ADAM10: variants seen among roughly 807,000 people sequenced by gnomAD.
ADAM10 encodes ADAM metallopeptidase domain 10.
Under a neutral mutation model 90.1 loss-of-function variants are expected in ADAM10, and 17 were observed. The ratio of observed to expected loss-of-function variants is 0.19; its 90% CI spans 0.13 to 0.28. The LOEUF (loss-of-function observed/expected upper bound fraction) is 0.28. Ranked by LOEUF, ADAM10 falls within the 10% of genes least tolerant of loss-of-function variation. ADAM10 has a pLI of 1.00. For missense variants in ADAM10, 610 were observed against 914.3 expected, an observed-to-expected ratio of 0.67 and a Z score of 4.29; for synonymous variants, 310 against 298.6, an observed-to-expected ratio of 1.04 and a Z score of -0.40.
At chr15:58,685,796 A>G (rs1356626256) in intron 2 of ADAM10, among the ~76,000 whole-genome samples, 1 of 151,868 alleles carries the variant, frequency 6.6e-6, no homozygotes, top group African/African-American at 2.4e-5. Context: ...ATACGAGCAT[A>G]TTTCTTATTC....
chr15:58,605,667 G>A lies in ADAM10; in HGVS notation c.2025+4630C>T, dbSNP rs139807711. On this transcript the variant is annotated intron_variant, in intron 14 of 15. Coordinates refer to ENST00000260408, the MANE Select transcript of ADAM10 (RefSeq NM_001110.4). Reference sequence around the variant, plus strand: ...TACTGAGCGTAAACTGAGTGCCAGGGTCTTATATCCCAGAGACAAGGGTGT... The same window carrying A: ...TACTGAGCGTAAACTGAGTGCCAGGATCTTATATCCCAGAGACAAGGGTGT... Among the ~76,000 whole-genome samples the A allele has an allele frequency of 6.1e-3, 927 of 152,196 alleles. 8 individuals carry two copies. The highest frequency in any genetic ancestry group is 0.021 in the African/African-American group (859 of 41,510).
At chr15:58,693,195 C>T (rs546977223) in intron 2 of ADAM10, 7 of 694,696 alleles carry the variant, frequency 1.0e-5, no homozygotes, top group African/African-American at 1.8e-5. Context: ...CCTCTGCAGG[C>T]ATCTTGAAAG....
intron 2 of ADAM10, among the ~76,000 whole-genome samples, chr15:58,701,759 T>G (rs1256935258): frequency 6.6e-6 from 1 of 152,080 alleles, no homozygotes; most frequent in Non-Finnish European, 1.5e-5. Context: ...GGATAAATGT[T>G]TAAAGAAAAT....
intron 7 of ADAM10, among the ~76,000 whole-genome samples, chr15:58,641,384 A>G (rs1402054444): frequency 6.6e-6 from 1 of 152,242 alleles, no homozygotes; most frequent in East Asian, 1.9e-4. Flanking sequence ...CCTGTATTTT[A>G]ACTAATTACT....
At chr15:58,686,318 G>C in intron 2 of ADAM10, 2 of 605,612 alleles carry the variant, frequency 3.3e-6, no homozygotes, top group Non-Finnish European at 5.8e-6. Context: ...CTTGGAAATA[G>C]GAACAAACTA....
chr15:58,705,600 T>C (rs984624824), intron 2 of ADAM10, among the ~76,000 whole-genome samples: 1 of 152,288 alleles, frequency 6.6e-6, no homozygotes, highest in South Asian at 2.1e-4. Context: ...ACCAGACAAA[T>C]AATAGACATA....
chr15:58,693,218 A>G, intron 2 of ADAM10: 1 of 648,212 alleles, frequency 1.5e-6, no homozygotes, highest in Non-Finnish European at 2.9e-6. Flanking sequence ...AAAGGCTTAC[A>G]AGTACTAGAG....
At chr15:58,713,186 A>G (rs1407620740) in intron 2 of ADAM10, among the ~76,000 whole-genome samples, 1 of 152,046 alleles carries the variant, frequency 6.6e-6, no homozygotes, top group African/African-American at 2.4e-5. Context: ...CGGCAGCCTC[A>G]ACCTTCCTAG....
At chr15:58,673,852 AGCCTCTCG>A (rs1209575181) in intron 4 of ADAM10, among the ~76,000 whole-genome samples, 1 of 151,658 alleles carries the variant, frequency 6.6e-6, no homozygotes, top group Non-Finnish European at 1.5e-5. Context: ...CTCCTGCCTC[AGCCTCTCG>A]AGTAGCTGGG....
intron 2 of ADAM10, among the ~76,000 whole-genome samples, chr15:58,712,226 T>C (rs536901174): frequency 6.6e-6 from 1 of 152,210 alleles, no homozygotes; most frequent in South Asian, 2.1e-4. Flanking sequence ...AAGAAAAATT[T>C]CTGGAAATTA....
chr15:58,600,255 CTA>C (rs1296956531), intron 14 of ADAM10, among the ~76,000 whole-genome samples: 3 of 152,118 alleles, frequency 2.0e-5, no homozygotes, highest in African/African-American at 7.2e-5. Context: ...CTCTTATAGA[CTA>C]TGTTTTGATT....
chr15:58,722,105 C>T (rs1024422792), intron 1 of ADAM10, among the ~76,000 whole-genome samples: 1 of 150,784 alleles, frequency 6.6e-6, no homozygotes, highest in South Asian at 2.1e-4. Flanking sequence ...TTTGGAAGGC[C>T]GAGGCGAGTG....
intron 4 of ADAM10, among the ~76,000 whole-genome samples, chr15:58,666,691 G>C (rs1244761357): frequency 6.6e-6 from 1 of 151,956 alleles, no homozygotes; most frequent in African/African-American, 2.4e-5. Flanking sequence ...CATTTATTTA[G>C]TACATTGTTA....
intron 2 of ADAM10, among the ~76,000 whole-genome samples, chr15:58,701,134 C>T (rs1266180234): frequency 6.7e-6 from 1 of 149,440 alleles, no homozygotes; most frequent in Non-Finnish European, 1.5e-5. Flanking sequence ...TGACCACTTG[C>T]TAATCAAGAA....
chr15:58,629,113 A>G (rs1285668349), intron 9 of ADAM10, among the ~76,000 whole-genome samples: 1 of 152,216 alleles, frequency 6.6e-6, no homozygotes, highest in East Asian at 1.9e-4. Context: ...AAAAATCCCA[A>G]TTCTGTATAA....
intron 10 of ADAM10, 45 bp downstream of exon 10, chr15:58,627,655 A>G: frequency 1.9e-6 from 3 of 1,549,156 alleles, no homozygotes; most frequent in East Asian, 4.5e-5. Context: ...AGTTGTCTGA[A>G]TGTTTGAAAA....
At chr15:58,733,067 G>C (rs1899309751) in intron 1 of ADAM10, 1 of 152,282 alleles carries the variant, frequency 6.6e-6, no homozygotes, top group Non-Finnish European at 1.5e-5. Flanking sequence ...ATGTAGAAGT[G>C]TAGCGGATGT....
chr15:58,660,973 C>G lies in ADAM10; in HGVS notation c.585+4124G>C, dbSNP rs561847731. On this transcript the variant is annotated intron_variant, in intron 5 of 15. Coordinates refer to ENST00000260408, the MANE Select transcript of ADAM10 (RefSeq NM_001110.4). ...CTTACAAAAGCAAACATCTGGCCCACAGGCCGTAGTTTGCTGACCCCGGCT... is the reference window on the plus strand; with the variant it reads ...CTTACAAAAGCAAACATCTGGCCCAGAGGCCGTAGTTTGCTGACCCCGGCT... 1.1e-4 allele frequency among the ~76,000 whole-genome samples: 17 copies of G among 152,386 alleles called. No homozygotes were observed. The South Asian group carries it at 2.9e-3, about 26-fold the overall frequency.
At chr15:58,624,641 T>G (rs752803326) in intron 10 of ADAM10, among the ~76,000 whole-genome samples, 5 of 152,152 alleles carry the variant, frequency 3.3e-5, no homozygotes, top group Middle Eastern at 3.2e-3. Context: ...AAGCAATTTC[T>G]TGTGCCTCAG....
Sources: allele counts gnomAD v4.1 joint callset (sites outside exome capture counted in the v4.1 genomes callset), GRCh38; gene constraint gnomAD v4.1.1; transcripts MANE v1.5; gene names NCBI Gene and HGNC (gene_info 2026-07-23, HGNC 2026-07-21).